Variants in CRPPA observed in about 807,000 individuals in gnomAD.
CRPPA encodes D-ribitol-5-phosphate cytidylyltransferase.
In CRPPA, 43 loss-of-function variants were observed where a neutral mutation model predicts 52.0. The observed-to-expected ratio is 0.83, with a 90% CI of 0.65 to 1.07. CRPPA has a LOEUF of 1.07. CRPPA is among the 50% of genes least tolerant of loss of function. The pLI is 0.00. For missense variants in CRPPA, 629 were observed against 551.7 expected (o/e 1.14, Z -1.40); for synonymous variants, 250 against 203.5 (o/e 1.23, Z -1.94).
intron 8 of CRPPA, among the ~76,000 whole-genome samples, chr7:16,220,322 C>T (rs1460405799): frequency 3.2e-5 from 3 of 94,768 alleles, no homozygotes; most frequent in African/African-American, 8.7e-5. Flanking sequence ...CTATGACAAA[C>T]CCACAGCCAA....
At chr7:16,287,774 T>C (rs568992895) in intron 5 of CRPPA, among the ~76,000 whole-genome samples, 1 of 152,052 alleles carries the variant, frequency 6.6e-6, no homozygotes, top group Admixed American at 6.5e-5. Flanking sequence ...ATACAGAAAT[T>C]AGCTGAGCGT....
chr7:16,303,779 C>A (rs1345480812), intron 4 of CRPPA, among the ~76,000 whole-genome samples: 2 of 151,974 alleles, frequency 1.3e-5, no homozygotes, highest in South Asian at 2.1e-4. Context: ...ATTACAAAAA[C>A]CAAATAGAGA....
chr7:16,303,493 A>C (rs950207005), intron 4 of CRPPA, among the ~76,000 whole-genome samples: 1 of 147,172 alleles, frequency 6.8e-6, no homozygotes, highest in African/African-American at 2.6e-5. Flanking sequence ...AAAAAAAAAA[A>C]AAAAAAAAAA....
At chr7:16,303,273 A>G (rs1340501365) in intron 4 of CRPPA, among the ~76,000 whole-genome samples, 1 of 152,078 alleles carries the variant, frequency 6.6e-6, no homozygotes, top group Non-Finnish European at 1.5e-5. Context: ...GCCAGGATAA[A>G]GGAATAGCAG....
chr7:16,417,975 G>T (rs1788235892), intron 1 of CRPPA, among the ~76,000 whole-genome samples: 2 of 152,246 alleles, frequency 1.3e-5, no homozygotes, highest in South Asian at 4.2e-4. Flanking sequence ...TCTCAACAGA[G>T]CAAAAAAGTA....
At chr7:16,362,687 A>T (rs139172641) in intron 3 of CRPPA, among the ~76,000 whole-genome samples, 27 of 152,204 alleles carry the variant, frequency 1.8e-4, no homozygotes, top group African/African-American at 6.3e-4. Flanking sequence ...ATAATGAAAC[A>T]CTGTATCTCA....
Position 16,421,364 on chromosome 7 carries a change from T to A in CRPPA, c.-42A>T. ...GCGAGCCCCGCTAGCCTCGGGCCGA[T>A]GCGACCCCGCGCTGCTCCCACCCTC... On this transcript the variant is annotated 5_prime_UTR_variant, in exon 1 of 10. Coordinates refer to ENST00000407010, the MANE Select transcript of CRPPA (RefSeq NM_001101426.4). 1 of 1,225,004 alleles carries A rather than the reference T, an allele frequency of 8.2e-7. No homozygotes were observed. Among genetic ancestry groups the A allele is most frequent in the Non-Finnish European group, 1.0e-6 (1 of 982,760 alleles). The allele number at this position is 1,225,004 out of a possible 1,614,324, so 75.9% of individuals were successfully genotyped here.
chr7:16,311,006 G>A (rs1785023724), intron 3 of CRPPA, among the ~76,000 whole-genome samples: 1 of 152,028 alleles, frequency 6.6e-6, no homozygotes, highest in South Asian at 2.1e-4. Flanking sequence ...TCCATGCATT[G>A]TTTTCTTTCC....
rs138254820 is a variant in CRPPA, at chr7:16,354,186, T to A, written c.684+21906A>T. Reference sequence around the variant, plus strand: ...GTGACAATATTCTCTTGGAAACAAATGATGGCAAGAATGTTCCTTTTATCA... The same window carrying A: ...GTGACAATATTCTCTTGGAAACAAAAGATGGCAAGAATGTTCCTTTTATCA... On this transcript the variant is annotated intron_variant, in intron 3 of 9. Transcript: ENST00000407010. 7.0e-3 allele frequency among the ~76,000 whole-genome samples: 1,072 copies of A among 152,304 alleles called. 7 individuals carry two copies. The highest frequency in any genetic ancestry group is 0.02 in the Middle Eastern group (6 of 294).
chr7:16,400,194 T>A (rs902034919), intron 2 of CRPPA, among the ~76,000 whole-genome samples: 1 of 151,874 alleles, frequency 6.6e-6, no homozygotes, highest in African/African-American at 2.4e-5. Context: ...ACTGACACGA[T>A]TGAAACATGG....
Position 16,389,913 on chromosome 7 carries a change from C to CAAAAAAAAAAAAAAAA in CRPPA, c.535-13688_535-13673dup, listed in dbSNP as rs1163092089. 9.3e-4 allele frequency among the ~76,000 whole-genome samples: 32 copies of CAAAAAAAAAAAAAAAA among 34,302 alleles called. 2 individuals are homozygous for CAAAAAAAAAAAAAAAA. Among genetic ancestry groups the CAAAAAAAAAAAAAAAA allele is most frequent in the East Asian group, 2.6e-3 (2 of 758 alleles). The allele number at this position is 34,302 out of a possible 152,430, so 22.5% of individuals were successfully genotyped here. A position where few individuals can be genotyped will look rare whatever the true frequency, so the allele number is the denominator to read the frequency against. ...GGATACAGAGAACAAGCCTAGTATA[C>CAAAAAAAAAAAAAAAA]AAAAAAAAAAAAAAAATATATATAT... On this transcript the variant is annotated intron_variant, in intron 2 of 9. Coordinates refer to ENST00000407010, the MANE Select transcript of CRPPA (RefSeq NM_001101426.4).
intron 1 of CRPPA, among the ~76,000 whole-genome samples, chr7:16,416,889 A>G (rs2128320373): frequency 6.6e-6 from 1 of 152,244 alleles, no homozygotes; most frequent in East Asian, 1.9e-4. Context: ...TATCAGAGTA[A>G]ACAGTTTTTG....
At chr7:16,348,037 A>G (rs974541300) in intron 3 of CRPPA, among the ~76,000 whole-genome samples, 1 of 152,050 alleles carries the variant, frequency 6.6e-6, no homozygotes, top group Non-Finnish European at 1.5e-5. Flanking sequence ...GAGATTTACG[A>G]CACATTCTTC....
chr7:16,267,109 A>C (rs1349993647), intron 6 of CRPPA, among the ~76,000 whole-genome samples: 1 of 152,244 alleles, frequency 6.6e-6, no homozygotes, highest in Non-Finnish European at 1.5e-5. Context: ...AATTAAAAAT[A>C]AAACAAGGTC....
intron 8 of CRPPA, among the ~76,000 whole-genome samples, chr7:16,221,047 C>T (rs1180722668): frequency 6.6e-6 from 1 of 152,138 alleles, no homozygotes; most frequent in Non-Finnish European, 1.5e-5. Context: ...TCAAACTATA[C>T]TACAAGGCTA....
chr7:16,204,834 T>G (rs754151457), intron 9 of CRPPA, among the ~76,000 whole-genome samples: 4 of 152,206 alleles, frequency 2.6e-5, no homozygotes, highest in Non-Finnish European at 5.9e-5. Flanking sequence ...TAGAATCAAA[T>G]GTAGTAACTT....
chr7:16,185,694 C>T (rs1213631042), intron 9 of CRPPA, among the ~76,000 whole-genome samples: 1 of 151,906 alleles, frequency 6.6e-6, no homozygotes, highest in African/African-American at 2.4e-5. Flanking sequence ...TTTTATATTC[C>T]ACTAGGGGTT....
intron 9 of CRPPA, among the ~76,000 whole-genome samples, chr7:16,107,833 T>C (rs1180790899): frequency 6.6e-6 from 1 of 152,028 alleles, no homozygotes; most frequent in East Asian, 1.9e-4. Context: ...TATTATACAA[T>C]ATGAAAATTC....
At chr7:16,394,297 T>C (rs1200245825) in intron 2 of CRPPA, among the ~76,000 whole-genome samples, 1 of 152,168 alleles carries the variant, frequency 6.6e-6, no homozygotes, top group African/African-American at 2.4e-5. Context: ...GAACAAACTA[T>C]AGCTGAGTAG....
Sources: gnomAD v4.1 joint callset for allele counts (sites outside exome capture counted in the v4.1 genomes callset) on GRCh38, gnomAD v4.1.1 for gene constraint, MANE v1.5 for transcripts, NCBI Gene and HGNC (gene_info 2026-07-23, HGNC 2026-07-21) for gene names.